AP3S1: variants seen among roughly 807,000 people sequenced by gnomAD.
The protein encoded by AP3S1 is AP-3 complex subunit sigma-1.
In AP3S1, 12 loss-of-function variants were observed where a neutral mutation model predicts 21.3. That is an observed-to-expected ratio of 0.56 (90% CI 0.36 to 0.91). AP3S1 has a LOEUF of 0.91. Among genes scored for constraint, AP3S1 ranks in the 40% least tolerant of loss-of-function variants. The pLI is 0.01. For missense variants in AP3S1, 116 were observed against 225.0 expected (o/e 0.52, Z 3.10); for synonymous variants, 48 against 78.4 (o/e 0.61, Z 2.05).
intron 3 of AP3S1, among the ~76,000 whole-genome samples, chr5:115,874,011 TTGTATC>T (rs1169254348): frequency 2.0e-5 from 3 of 152,170 alleles, no homozygotes; most frequent in Admixed American, 1.3e-4. Context: ...AAATATGACT[TTGTATC>T]TGTATAAAAT....
At chr5:115,899,026 A>G (rs1750993229) in intron 4 of AP3S1, among the ~76,000 whole-genome samples, 1 of 152,174 alleles carries the variant, frequency 6.6e-6, no homozygotes. Context: ...GGTTTGGAGG[A>G]TGTATGACTT....
intron 3 of AP3S1, 27 bp downstream of exon 3, chr5:115,870,155 C>T: frequency 8.7e-7 from 1 of 1,153,908 alleles, no homozygotes; most frequent in Non-Finnish European, 1.3e-6. Flanking sequence ...TTCTTACTAT[C>T]TTAAATAACA....
intron 5 of AP3S1, among the ~76,000 whole-genome samples, chr5:115,905,532 G>A (rs914965450): frequency 1.1e-4 from 16 of 152,082 alleles, no homozygotes; most frequent in Non-Finnish European, 1.6e-4. Context: ...TACATGTAAC[G>A]TCTGCTAATA....
chr5:115,901,508 T>G (rs1051161956), intron 4 of AP3S1, among the ~76,000 whole-genome samples: 3 of 151,576 alleles, frequency 2.0e-5, no homozygotes, highest in African/African-American at 7.3e-5. Context: ...AATTTGTGCA[T>G]GAGGTGTCCA....
At chr5:115,870,720 C>T in intron 3 of AP3S1, among the ~76,000 whole-genome samples, 1 of 152,062 alleles carries the variant, frequency 6.6e-6, no homozygotes, top group Non-Finnish European at 1.5e-5. Context: ...CAGACTATAC[C>T]ACCTTCTATC....
At chr5:115,857,718 C>T (rs1762897497) in intron 1 of AP3S1, among the ~76,000 whole-genome samples, 1 of 152,144 alleles carries the variant, frequency 6.6e-6, no homozygotes, top group Non-Finnish European at 1.5e-5. Flanking sequence ...TACTTGTAGA[C>T]ATGATTTATT....
At chr5:115,842,852 CTGAT>C (rs1761730091) in intron 1 of AP3S1, among the ~76,000 whole-genome samples, 2 of 152,212 alleles carry the variant, frequency 1.3e-5, no homozygotes, top group African/African-American at 4.8e-5. Flanking sequence ...TTGTAGTTGA[CTGAT>C]TGGAGCTGTG....
In AP3S1 at chr5:115,841,989, C is replaced by T. The variant is rs927923307; in HGVS notation, c.-49C>T. On this transcript the variant is annotated 5_prime_UTR_variant, in exon 1 of 6. Coordinates refer to ENST00000316788, the MANE Select transcript of AP3S1 (RefSeq NM_001284.4). ...AGATTACGAGGCGAGGCTCGCGCGC[C>T]CGCCCCCGCCCTGGCCCCCAGTGCC... 8 of 1,545,732 alleles carry T rather than the reference C, an allele frequency of 5.2e-6. No individual in the cohort carries two copies. The African/African-American group carries it at 9.7e-5, about 19-fold the overall frequency.
At chr5:115,887,307 A>G (rs558716275) in intron 3 of AP3S1, among the ~76,000 whole-genome samples, 3 of 152,034 alleles carry the variant, frequency 2.0e-5, no homozygotes, top group Non-Finnish European at 4.4e-5. Flanking sequence ...CCTTAAATTT[A>G]TGCCTCCTAT....
intron 3 of AP3S1, among the ~76,000 whole-genome samples, chr5:115,890,253 C>T (rs141395280): frequency 2.0e-5 from 3 of 152,256 alleles, no homozygotes; most frequent in African/African-American, 7.2e-5. Context: ...GGAAACAACA[C>T]AAATTTATGT....
intron 1 of AP3S1, among the ~76,000 whole-genome samples, chr5:115,844,725 C>T (rs574523900): frequency 6.6e-6 from 1 of 152,292 alleles, no homozygotes; most frequent in South Asian, 2.1e-4. Flanking sequence ...CTAGGCCCAG[C>T]ACAAACATCA....
intron 3 of AP3S1, among the ~76,000 whole-genome samples, chr5:115,873,332 T>C (rs1397688592): frequency 2.0e-5 from 3 of 152,208 alleles, no homozygotes; most frequent in African/African-American, 7.2e-5. Flanking sequence ...TTTTTATCCA[T>C]GCTTCACACG....
intron 5 of AP3S1, chr5:115,909,087 T>A (rs924492896): frequency 3.4e-6 from 2 of 587,078 alleles, no homozygotes; most frequent in South Asian, 1.5e-4. Flanking sequence ...GTATTCAAAC[T>A]TGAAAAAAAA....
At position 115,913,509 on chromosome 5, in the gene AP3S1, C is replaced by G. The variant is rs775713238; in HGVS notation, c.*19C>G. Reference sequence around the variant, plus strand: ...TAAATAAAAATGTAAAAAGGCCACTCCCAGGTAAAATCCAGGGGGAAGAGT... The same window carrying G: ...TAAATAAAAATGTAAAAAGGCCACTGCCAGGTAAAATCCAGGGGGAAGAGT... On this transcript the variant is annotated 3_prime_UTR_variant, in exon 6 of 6. Transcript: ENST00000316788. 6.2e-7 allele frequency: 1 copy of G among 1,610,746 alleles called. No individual in the cohort carries two copies. The highest frequency in any genetic ancestry group is 1.1e-5 in the South Asian group (1 of 90,462).
Position 115,865,622 on chromosome 5 carries a change from TA to T in AP3S1, c.70-1047del, listed in dbSNP as rs1763552791. Among the ~76,000 whole-genome samples the T allele has an allele frequency of 2.0e-5, 3 of 152,214 alleles. No individual in the cohort carries two copies. In the South Asian group the frequency reaches 6.2e-4, roughly 31 times the overall value. ...TCAACATTTTTTACTATCATATTTT[TA>T]TACTTTTGCTGATATGGTACATGTG... On this transcript the variant is annotated intron_variant, in intron 1 of 5. Transcript: ENST00000316788.
intron 4 of AP3S1, among the ~76,000 whole-genome samples, chr5:115,896,983 A>C (rs1214360413): frequency 6.6e-6 from 1 of 152,178 alleles, no homozygotes; most frequent in Non-Finnish European, 1.5e-5. Context: ...AAAGTTTTTA[A>C]GGAAATTAAG....
At chr5:115,900,468 G>C (rs535557999) in intron 4 of AP3S1, among the ~76,000 whole-genome samples, 6 of 152,260 alleles carry the variant, frequency 3.9e-5, no homozygotes, top group Middle Eastern at 3.4e-3. Flanking sequence ...CCAGCTAGAT[G>C]TTCTAAACTC....
At chr5:115,908,805 C>T (rs1351724787) in intron 5 of AP3S1, among the ~76,000 whole-genome samples, 1 of 151,966 alleles carries the variant, frequency 6.6e-6, no homozygotes, top group Non-Finnish European at 1.5e-5. Flanking sequence ...TATTATATAT[C>T]CCCAGATTAA....
At chr5:115,908,001 C>G (rs992553738) in intron 5 of AP3S1, among the ~76,000 whole-genome samples, 2 of 152,062 alleles carry the variant, frequency 1.3e-5, no homozygotes, top group African/African-American at 4.8e-5. Flanking sequence ...AGAAAAACAT[C>G]ACTGAGAATT....
Sources: allele counts gnomAD v4.1 joint callset (sites outside exome capture counted in the v4.1 genomes callset), GRCh38; gene constraint gnomAD v4.1.1; transcripts MANE v1.5; gene names NCBI Gene and HGNC (gene_info 2026-07-23, HGNC 2026-07-21).